Variants in CFAP54 observed in about 807,000 individuals in gnomAD.
CFAP54 encodes cilia- and flagella-associated protein 54.
A neutral mutation model predicts 370.4 loss-of-function variants in CFAP54; 290 were observed. That is an observed-to-expected ratio of 0.78 (90% CI 0.71 to 0.86). The LOEUF (loss-of-function observed/expected upper bound fraction) is 0.86, where lower values mean the gene tolerates loss of function less well. CFAP54 is among the 40% of genes least tolerant of loss of function. The pLI is 0.00. For missense variants in CFAP54, 3,399 were observed against 3,528.7 expected (o/e 0.96, Z 0.93); for synonymous variants, 1,206 against 1,236.5 (o/e 0.98, Z 0.52).
intron 66 of CFAP54, among the ~76,000 whole-genome samples, chr12:96,836,422 G>A (rs1247769502): frequency 6.6e-6 from 1 of 152,180 alleles, no homozygotes; most frequent in Non-Finnish European, 1.5e-5. Flanking sequence ...CTTTCTCAGT[G>A]TAGGAATGGA....
intron 26 of CFAP54, among the ~76,000 whole-genome samples, chr12:96,600,275 T>C (rs949181995): frequency 3.1e-4 from 47 of 152,194 alleles, no homozygotes; most frequent in African/African-American, 1.1e-3. Context: ...CCACTGCTTA[T>C]TTTTTTCAGG....
chr12:96,606,766 G>C (rs900070196), intron 26 of CFAP54, among the ~76,000 whole-genome samples: 1 of 152,202 alleles, frequency 6.6e-6, no homozygotes, highest in African/African-American at 2.4e-5. Flanking sequence ...CCTTGGAAAC[G>C]AGAAGGAACT....
intron 28 of CFAP54, among the ~76,000 whole-genome samples, chr12:96,625,187 C>G (rs1956536772): frequency 6.6e-6 from 1 of 151,990 alleles, no homozygotes. Flanking sequence ...CTCATGCAAC[C>G]TGTATATAAG....
rs1555216534 is a variant in CFAP54 at position 96,495,500 on chromosome 12, T to TG, written c.318-5334_318-5333insG. On this transcript the variant is annotated intron_variant, in intron 1 of 67. Coordinates refer to ENST00000524981, the MANE Select transcript of CFAP54 (RefSeq NM_001306084.2). Reference sequence around the variant, plus strand: ...CGGCTAATTTTTGTTTTTTTTTTTTTAGTAGAGACGGGATTTCGTGATGTT... The same window carrying TG: ...CGGCTAATTTTTGTTTTTTTTTTTTTGAGTAGAGACGGGATTTCGTGATGTT... 5.0e-3 allele frequency among the ~76,000 whole-genome samples: 755 copies of TG among 151,076 alleles called. 10 individuals are homozygous for TG. Among genetic ancestry groups the TG allele is most frequent in the African/African-American group, 0.017 (711 of 41,172 alleles).
At chr12:96,506,038 A>T in intron 3 of CFAP54, among the ~76,000 whole-genome samples, 1 of 152,162 alleles carries the variant, frequency 6.6e-6, no homozygotes, top group Non-Finnish European at 1.5e-5. Context: ...TGGGGAGCTT[A>T]TAACAATTGA....
intron 39 of CFAP54, among the ~76,000 whole-genome samples, chr12:96,669,416 A>G (rs546086217): frequency 1.3e-5 from 2 of 152,356 alleles, no homozygotes; most frequent in Non-Finnish European, 1.5e-5. Context: ...AACAGATTGA[A>G]AGGAGACCAA....
chr12:96,710,924 A>C (rs1471415363), intron 48 of CFAP54, among the ~76,000 whole-genome samples: 1 of 152,230 alleles, frequency 6.6e-6, no homozygotes, highest in Non-Finnish European at 1.5e-5. Context: ...ATAGCCTCAT[A>C]GAATGAGTTG....
At chr12:96,730,831 G>A (rs1470556473) in intron 50 of CFAP54, among the ~76,000 whole-genome samples, 2 of 152,178 alleles carry the variant, frequency 1.3e-5, no homozygotes, top group African/African-American at 4.8e-5. Flanking sequence ...AAGCCTACAA[G>A]CTTTGACTGA....
intron 26 of CFAP54, among the ~76,000 whole-genome samples, chr12:96,603,951 A>C (rs1206235058): frequency 6.6e-6 from 1 of 152,078 alleles, no homozygotes; most frequent in Admixed American, 6.5e-5. Context: ...TCTGAAGCCT[A>C]CTTCTGTGAA....
At chr12:96,660,767 C>G (rs1178075109) in intron 38 of CFAP54, among the ~76,000 whole-genome samples, 1 of 151,986 alleles carries the variant, frequency 6.6e-6, no homozygotes, top group African/African-American at 2.4e-5. Flanking sequence ...GTTGGGGGCT[C>G]TGTTCTGACT....
chr12:96,523,735 T>C (rs1955345460), intron 8 of CFAP54, among the ~76,000 whole-genome samples: 1 of 152,114 alleles, frequency 6.6e-6, no homozygotes, highest in Non-Finnish European at 1.5e-5. Flanking sequence ...AGCAACCAAA[T>C]TTAAATATCC....
chr12:96,775,131 A>G (rs1958503286), intron 60 of CFAP54, among the ~76,000 whole-genome samples: 1 of 152,170 alleles, frequency 6.6e-6, no homozygotes, highest in Non-Finnish European at 1.5e-5. Flanking sequence ...GCTGTGTTCC[A>G]TTAAAACTTT....
intron 50 of CFAP54, among the ~76,000 whole-genome samples, chr12:96,722,644 G>A (rs182223664): frequency 9.2e-5 from 14 of 152,254 alleles, no homozygotes; most frequent in East Asian, 5.8e-4. Flanking sequence ...CATTGTAAAG[G>A]GTTGGCTCTT....
chr12:96,521,534 G>A (rs1427255146), intron 6 of CFAP54, among the ~76,000 whole-genome samples: 6 of 128,540 alleles, frequency 4.7e-5, no homozygotes. Flanking sequence ...GTGTGTGTGT[G>A]TGTGTGTGTG....
At chr12:96,819,020 T>G (rs1959004019) in intron 65 of CFAP54, among the ~76,000 whole-genome samples, 1 of 152,238 alleles carries the variant, frequency 6.6e-6, no homozygotes, top group African/African-American at 2.4e-5. Context: ...AAAAGATAGA[T>G]GTACATGGCT....
intron 50 of CFAP54, 39 bp downstream of exon 50, chr12:96,720,604 G>T: frequency 7.4e-7 from 1 of 1,348,042 alleles, no homozygotes; most frequent in Non-Finnish European, 9.6e-7. Context: ...TACCTTTGAA[G>T]AGAGTTCCTT....
At chr12:96,755,909 G>A (rs557143734) in intron 56 of CFAP54, among the ~76,000 whole-genome samples, 166 of 151,890 alleles carry the variant, frequency 1.1e-3, no homozygotes, top group African/African-American at 3.7e-3. Context: ...CTTGTGATCC[G>A]CCCTCCTCAG....
intron 29 of CFAP54, among the ~76,000 whole-genome samples, 174 bp downstream of exon 29, chr12:96,625,981 G>T (rs1307187689): frequency 2.0e-5 from 3 of 152,168 alleles, no homozygotes; most frequent in African/African-American, 7.2e-5. Flanking sequence ...TAATGAAAGA[G>T]ACCTAAAGAG....
chr12:96,706,429 A>G (rs1957548243), intron 47 of CFAP54, among the ~76,000 whole-genome samples: 1 of 152,208 alleles, frequency 6.6e-6, no homozygotes, highest in Non-Finnish European at 1.5e-5. Flanking sequence ...CAATCTAAAA[A>G]GAGGGAAAGG....
Sources: allele counts gnomAD v4.1 joint callset (sites outside exome capture counted in the v4.1 genomes callset), GRCh38; gene constraint gnomAD v4.1.1; transcripts MANE v1.5; gene names NCBI Gene and HGNC (gene_info 2026-07-23, HGNC 2026-07-21).